Variants in TENM4 observed in about 807,000 individuals in gnomAD.
TENM4 encodes teneurin transmembrane protein 4.
A neutral mutation model predicts 243.3 loss-of-function variants in TENM4; 82 were observed. That is an observed-to-expected ratio of 0.34 (90% confidence interval 0.28 to 0.40). TENM4 has a LOEUF of 0.40. Among genes scored for constraint, TENM4 ranks in the 10% least tolerant of loss-of-function variants. The pLI, the probability that TENM4 is intolerant of heterozygous loss-of-function variation, is 1.00. For synonymous variants in TENM4, 1,412 were observed against 1,456.3 expected (o/e 0.97, Z 0.69); for missense variants, 3,138 against 3,673.3 (o/e 0.85, Z 3.77).
At chr11:79,287,747 C>T (rs191793782) in intron 2 of TENM4, among the ~76,000 whole-genome samples, 35 of 152,254 alleles carry the variant, frequency 2.3e-4, no homozygotes, top group African/African-American at 8.2e-4. Flanking sequence ...CAAATCAGCC[C>T]ATCTTTTCAC....
At chr11:78,914,612 T>C (rs1425413991) in intron 6 of TENM4, among the ~76,000 whole-genome samples, 1 of 152,110 alleles carries the variant, frequency 6.6e-6, no homozygotes, top group Non-Finnish European at 1.5e-5. Flanking sequence ...ACTTAATGCC[T>C]CCCTGTCCCT....
chr11:78,656,982 A>G lies in TENM4; in HGVS notation c.*1076T>C. The G allele has an allele frequency of 5.0e-6, 2 of 398,448 alleles. No homozygotes were observed. The highest frequency in any genetic ancestry group is 2.1e-5 in the African/African-American group (1 of 48,682). 24.7% of individuals were successfully genotyped at this position (398,448 alleles called of 1,614,324 possible). ...ACCAAGCACCTCCCTCCACATTCCT[A>G]CGTCTCAGTGGTGGCGGCTGAGTGG... is the stretch of plus-strand genomic sequence containing the variant. On this transcript the variant is annotated 3_prime_UTR_variant, in exon 34 of 34. Coordinates refer to ENST00000278550, the MANE Select transcript of TENM4 (RefSeq NM_001098816.3).
intron 2 of TENM4, among the ~76,000 whole-genome samples, chr11:79,225,242 G>A (rs961377531): frequency 3.9e-5 from 6 of 152,182 alleles, no homozygotes; most frequent in East Asian, 1.9e-4. Context: ...AGGAAAGCAC[G>A]TCTGCAGTGA....
intron 6 of TENM4, among the ~76,000 whole-genome samples, chr11:78,993,241 T>C (rs184418489): frequency 6.3e-4 from 96 of 152,284 alleles, no homozygotes; most frequent in African/African-American, 2.3e-3. Context: ...TAAGGGAGCC[T>C]GGAGGAAGAG....
At chr11:79,149,224 G>T (rs1419919184) in intron 3 of TENM4, among the ~76,000 whole-genome samples, 1 of 152,108 alleles carries the variant, frequency 6.6e-6, no homozygotes, top group Non-Finnish European at 1.5e-5. Context: ...GAGAGTGAGG[G>T]ATTTGAGCCA....
intron 1 of TENM4, among the ~76,000 whole-genome samples, chr11:79,395,486 G>A (rs1020264014): frequency 1.3e-4 from 20 of 152,170 alleles, no homozygotes; most frequent in African/African-American, 3.6e-4. Context: ...GGGCATACAG[G>A]GTGCTCTGAG....
At chr11:79,086,362 G>A (rs1475623294) in intron 4 of TENM4, among the ~76,000 whole-genome samples, 4 of 152,198 alleles carry the variant, frequency 2.6e-5, no homozygotes, top group African/African-American at 9.7e-5. Context: ...GAACCACCTA[G>A]CTTTGCCCAG....
rs376222040 is a variant in TENM4 at position 79,154,962 on chromosome 11, T to G, written c.-162-6156A>C. Reference sequence around the variant, plus strand: ...TAGTAGGTACTCAAAAAATACTTGTTGAATGAGTGCATTTCCATGCAGTTC... The same window carrying G: ...TAGTAGGTACTCAAAAAATACTTGTGGAATGAGTGCATTTCCATGCAGTTC... On this transcript the variant is annotated intron_variant, in intron 3 of 33. Transcript: ENST00000278550. 8.4e-4 allele frequency among the ~76,000 whole-genome samples: 128 copies of G among 152,290 alleles called. 2 individuals carry two copies. Among genetic ancestry groups the G allele is most frequent in the African/African-American group, 2.9e-3 (120 of 41,570 alleles).
chr11:79,069,676 C>A, intron 5 of TENM4, 46 bp downstream of exon 5: 1 of 1,517,156 alleles, frequency 6.6e-7, no homozygotes, highest in Non-Finnish European at 8.9e-7. Context: ...CTACCTGAGC[C>A]AAGCTCACCT....
At chr11:79,266,058 C>T (rs535687026) in intron 2 of TENM4, among the ~76,000 whole-genome samples, 105 of 152,336 alleles carry the variant, frequency 6.9e-4, no homozygotes, top group African/African-American at 2.4e-3. Flanking sequence ...GCCTCTCCGG[C>T]ACTCAGCTCT....
chr11:79,252,447 C>T (rs1855627676), intron 2 of TENM4, among the ~76,000 whole-genome samples: 1 of 152,150 alleles, frequency 6.6e-6, no homozygotes, highest in African/African-American at 2.4e-5. Context: ...CTATGTTGAT[C>T]AGGCTGGCCT....
At chr11:79,221,423 G>T (rs1391832426) in intron 2 of TENM4, among the ~76,000 whole-genome samples, 1 of 151,428 alleles carries the variant, frequency 6.6e-6, no homozygotes, top group Non-Finnish European at 1.5e-5. Flanking sequence ...GCTGCTGCTT[G>T]TGGACTCAAA....
At chr11:79,420,683 T>TG (rs202014023) in intron 1 of TENM4, among the ~76,000 whole-genome samples, 14 of 151,932 alleles carry the variant, frequency 9.2e-5, no homozygotes, top group African/African-American at 2.9e-4. Context: ...AGTTTTTTTT[T>TG]GGGGGGTGGG....
chr11:78,806,394 G>A (rs575795349), intron 14 of TENM4, among the ~76,000 whole-genome samples: 1 of 152,306 alleles, frequency 6.6e-6, no homozygotes, highest in South Asian at 2.1e-4. Flanking sequence ...TCCTCATGTG[G>A]TAGGTGAGTC....
intron 1 of TENM4, among the ~76,000 whole-genome samples, chr11:79,310,388 A>G (rs1856699162): frequency 6.6e-6 from 1 of 152,232 alleles, no homozygotes; most frequent in South Asian, 2.1e-4. Flanking sequence ...TAAGGATGAT[A>G]TCTATCTTGT....
chr11:79,092,218 C>G (rs1309217722), intron 4 of TENM4, among the ~76,000 whole-genome samples: 2 of 152,208 alleles, frequency 1.3e-5, no homozygotes, highest in Non-Finnish European at 2.9e-5. Flanking sequence ...TTGGGGAGCG[C>G]CCAGTCTGGT....
chr11:79,392,522 T>C (rs898106802), intron 1 of TENM4, among the ~76,000 whole-genome samples: 1 of 152,220 alleles, frequency 6.6e-6, no homozygotes, highest in Non-Finnish European at 1.5e-5. Flanking sequence ...TGTGTGCTCC[T>C]GGATCACAAG....
intron 6 of TENM4, among the ~76,000 whole-genome samples, chr11:79,015,271 G>A (rs1370446597): frequency 1.3e-5 from 2 of 152,182 alleles, no homozygotes; most frequent in African/African-American, 4.8e-5. Context: ...AACCCAGGCA[G>A]TCTGGCTCCA....
intron 27 of TENM4, among the ~76,000 whole-genome samples, chr11:78,707,989 C>T (rs1859298524): frequency 6.6e-6 from 1 of 152,232 alleles, no homozygotes; most frequent in Non-Finnish European, 1.5e-5. Flanking sequence ...TCTGTCCTCA[C>T]ATAGCTTAGA....
Sources: gnomAD v4.1 joint callset for allele counts (sites outside exome capture counted in the v4.1 genomes callset) on GRCh38, gnomAD v4.1.1 for gene constraint, MANE v1.5 for transcripts, NCBI Gene and HGNC (gene_info 2026-07-23, HGNC 2026-07-21) for gene names.